The following OSBPL10 variants were observed in gnomAD, a reference collection of about 807,000 sequenced individuals.
OSBPL10 encodes the protein oxysterol binding protein like 10.
A neutral mutation model predicts 81.7 loss-of-function variants in OSBPL10; 49 were observed. That is an observed-to-expected ratio of 0.60 (90% CI 0.48 to 0.76). The LOEUF is 0.76. Among genes scored for constraint, OSBPL10 ranks in the 30% least tolerant of loss-of-function variants. The pLI, the probability that OSBPL10 is intolerant of heterozygous loss-of-function variation, is 0.00. For synonymous variants in OSBPL10, 419 were observed against 383.6 expected (o/e 1.09, Z -1.08); for missense variants, 923 against 987.8 (o/e 0.93, Z 0.88).
At chr3:32,075,685 ATC>A (rs1280053745) in intron 1 of OSBPL10, among the ~76,000 whole-genome samples, 5 of 152,010 alleles carry the variant, frequency 3.3e-5, no homozygotes, top group African/African-American at 9.7e-5. Context: ...ATTGCCCATT[ATC>A]TCTCCATACC....
chr3:31,745,616 G>A (rs956955209), intron 5 of OSBPL10, among the ~76,000 whole-genome samples: 2 of 152,176 alleles, frequency 1.3e-5, no homozygotes, highest in Admixed American at 6.5e-5. Flanking sequence ...ACCCCAGGCC[G>A]GGAAGACGCC....
chr3:31,950,248 G>T (rs1044234520), intron 1 of OSBPL10, among the ~76,000 whole-genome samples: 1 of 152,124 alleles, frequency 6.6e-6, no homozygotes, highest in Admixed American at 6.6e-5. Flanking sequence ...AATATATAAA[G>T]CACTCCTACA....
intron 4 of OSBPL10, among the ~76,000 whole-genome samples, chr3:31,759,704 A>G (rs899748673): frequency 1.3e-5 from 2 of 152,194 alleles, no homozygotes; most frequent in African/African-American, 2.4e-5. Context: ...CGATTAGCAC[A>G]TATTAGCACT....
chr3:31,717,405 C>A (rs572340984), intron 6 of OSBPL10, among the ~76,000 whole-genome samples: 6 of 152,086 alleles, frequency 3.9e-5, no homozygotes, highest in Non-Finnish European at 7.4e-5. Flanking sequence ...TTCTTAAAGA[C>A]AACTCTGGTA....
chr3:31,764,023 G>A (rs567120781), intron 4 of OSBPL10, among the ~76,000 whole-genome samples: 32 of 152,316 alleles, frequency 2.1e-4, no homozygotes, highest in Non-Finnish European at 4.3e-4. Flanking sequence ...CACACGAACT[G>A]CTTACAATGT....
intron 2 of OSBPL10, 69 bp downstream of exon 2, chr3:31,879,586 A>G: frequency 6.7e-7 from 1 of 1,495,908 alleles, no homozygotes; most frequent in Non-Finnish European, 9.0e-7. Flanking sequence ...ACAAAAAATC[A>G]AAAAACAAGA....
chr3:31,955,826 C>A (rs1467185085), intron 1 of OSBPL10, among the ~76,000 whole-genome samples: 3 of 152,232 alleles, frequency 2.0e-5, no homozygotes, highest in Non-Finnish European at 4.4e-5. Flanking sequence ...AGCAGACACA[C>A]TCATGCAAGA....
At chr3:31,965,930 A>G (rs1698386241) in intron 1 of OSBPL10, among the ~76,000 whole-genome samples, 1 of 106,498 alleles carries the variant, frequency 9.4e-6, no homozygotes, top group Non-Finnish European at 1.8e-5. Flanking sequence ...TATAATATAT[A>G]TTATATAAAA....
chr3:31,751,420 T>C (rs1196759566), intron 4 of OSBPL10, among the ~76,000 whole-genome samples: 1 of 151,880 alleles, frequency 6.6e-6, no homozygotes, highest in African/African-American at 2.4e-5. Context: ...TAAAAAGTAT[T>C]CATCCGTATT....
rs549883545 is a variant in OSBPL10 at position 32,067,339 on chromosome 3, C to G, written n.185+10057G>C. ...GTGGAACCCAGAGCCACTGCCAAAG[C>G]TCTGTGGAGGGTCGTGTTCTCTCAT... is the stretch of plus-strand genomic sequence containing the variant. On this transcript the variant is annotated intron_variant and non_coding_transcript_variant, in intron 1 of 3. Coordinates refer to the OSBPL10 transcript ENST00000479173. 2.0e-5 allele frequency among the ~76,000 whole-genome samples: 3 copies of G among 152,264 alleles called. No individual in the cohort carries two copies. The South Asian group carries it at 6.2e-4, about 32-fold the overall frequency.
chr3:31,991,878 G>A (rs1340039871), intron 2 of OSBPL10, among the ~76,000 whole-genome samples: 1 of 150,030 alleles, frequency 6.7e-6, no homozygotes, highest in Non-Finnish European at 1.5e-5. Flanking sequence ...AAAAAAAAAT[G>A]CCAGGTGCAG....
At chr3:31,796,498 G>A (rs1240769008) in intron 4 of OSBPL10, among the ~76,000 whole-genome samples, 1 of 152,104 alleles carries the variant, frequency 6.6e-6, no homozygotes, top group Non-Finnish European at 1.5e-5. Flanking sequence ...TCTGAAGTGG[G>A]TCCTAGAACC....
chr3:31,672,562 G>A (rs1700352648), intron 8 of OSBPL10, among the ~76,000 whole-genome samples: 1 of 152,112 alleles, frequency 6.6e-6, no homozygotes, highest in Admixed American at 6.5e-5. Flanking sequence ...AGTTTCTAAA[G>A]TCAATACTAA....
At chr3:31,802,051 G>A (rs1465270460) in intron 4 of OSBPL10, among the ~76,000 whole-genome samples, 1 of 151,240 alleles carries the variant, frequency 6.6e-6, no homozygotes, top group Non-Finnish European at 1.5e-5. Context: ...TCGAACTCCC[G>A]ACCTCAGGTG....
intron 1 of OSBPL10, among the ~76,000 whole-genome samples, chr3:31,918,587 A>G (rs1696823943): frequency 6.6e-6 from 1 of 152,156 alleles, no homozygotes; most frequent in Admixed American, 6.5e-5. Context: ...CTGACCAAAC[A>G]GGAAACAAAT....
At chr3:31,676,483 C>A (rs551807404) in intron 8 of OSBPL10, among the ~76,000 whole-genome samples, 1 of 151,678 alleles carries the variant, frequency 6.6e-6, no homozygotes, top group African/African-American at 2.4e-5. Context: ...CAAATTGATT[C>A]GCCAATAAAG....
chr3:31,721,999 C>T (rs1004942560), intron 6 of OSBPL10, among the ~76,000 whole-genome samples: 1 of 152,138 alleles, frequency 6.6e-6, no homozygotes, highest in African/African-American at 2.4e-5. Flanking sequence ...TCCAGAGAGA[C>T]ATCATGTTAA....
Position 31,781,647 on chromosome 3 carries a change from C to T in OSBPL10, c.730-33527G>A, listed in dbSNP as rs551120955. On this transcript the variant is annotated intron_variant, in intron 4 of 11. Transcript: ENST00000396556. ...CAATGTACACAAATTAGTAGCACTG[C>T]CATACACCAACAGCAACCAAGTTTA... Among the ~76,000 whole-genome samples, 5 of 152,278 alleles carry T rather than the reference C, an allele frequency of 3.3e-5. No individual in the cohort carries two copies. The East Asian group carries it at 9.6e-4, about 29-fold the overall frequency.
Position 32,068,220 on chromosome 3 carries a change from G to A in OSBPL10, n.185+9176C>T, listed in dbSNP as rs552969975. On this transcript the variant is annotated intron_variant and non_coding_transcript_variant, in intron 1 of 3. Transcript: ENST00000479173. ...AAACTCCGGCGCCAGTCACGGACTC[G>A]GGAAGACAGTCTTCCCTTGGTGTTT... Among the ~76,000 whole-genome samples, 10 of 152,284 alleles carry A rather than the reference G, an allele frequency of 6.6e-5. No homozygotes were observed. The East Asian group carries it at 7.7e-4, about 12-fold the overall frequency.
Sources: gnomAD v4.1 joint callset for allele counts (sites outside exome capture counted in the v4.1 genomes callset) on GRCh38, gnomAD v4.1.1 for gene constraint, MANE v1.5 for transcripts, NCBI Gene and HGNC (gene_info 2026-07-23, HGNC 2026-07-21) for gene names.